GABRP: variants seen among roughly 807,000 people sequenced by gnomAD.
The protein encoded by GABRP is gamma-aminobutyric acid type A receptor subunit pi.
In GABRP, 52 loss-of-function variants were observed where a neutral mutation model predicts 47.8. The ratio of observed to expected loss-of-function variants is 1.09; its 90% CI spans 0.87 to 1.37. The LOEUF (loss-of-function observed/expected upper bound fraction) is 1.37, where lower values mean the gene tolerates loss of function less well. GABRP is among the 40% of genes most tolerant of loss of function. The pLI, the probability that GABRP is intolerant of heterozygous loss-of-function variation, is 0.00. For synonymous variants in GABRP, 221 were observed against 205.8 expected, an observed-to-expected ratio of 1.07 and a Z score of -0.63; for missense variants, 525 against 542.8, an observed-to-expected ratio of 0.97 and a Z score of 0.33.
intron 3 of GABRP, among the ~76,000 whole-genome samples, chr5:170,790,197 A>G (rs964329149): frequency 3.3e-5 from 5 of 152,212 alleles, no homozygotes; most frequent in African/African-American, 1.2e-4. Context: ...GGCCAACTGC[A>G]CAGCTCTTCA....
At chr5:170,783,132 C>T (rs990464272), upstream of GABRP, among the ~76,000 whole-genome samples, 2 of 152,126 alleles carry the variant, frequency 1.3e-5, no homozygotes, top group African/African-American at 2.4e-5. Flanking sequence ...AGCCCAGTGT[C>T]TCTGTGTCTC....
At chr5:170,783,579 TGACGATCTCCAGAAACTCAGGACCA>T (rs995059878), upstream of GABRP, 8 of 151,876 alleles carry the variant, frequency 5.3e-5, no homozygotes, top group Admixed American at 3.3e-4. Flanking sequence ...TAGCAGGAGC[TGACGATCTCCAGAAACTCAGGACCA>T]GACGATCTCC....
intron 7 of GABRP, among the ~76,000 whole-genome samples, chr5:170,806,318 G>A (rs1581605636): frequency 6.6e-6 from 1 of 152,090 alleles, no homozygotes; most frequent in African/African-American, 2.4e-5. Flanking sequence ...GGTCTTTGGC[G>A]ATTTTACATA....
chr5:170,789,043 C>G, intron 2 of GABRP, 86 bp from the exon 3 acceptor site: 4 of 1,005,204 alleles, frequency 4.0e-6, no homozygotes, highest in Non-Finnish European at 6.2e-6. Context: ...CCCACACACA[C>G]GTGGGCAAAC....
At chr5:170,805,929 T>G in intron 7 of GABRP, 76 bp downstream of exon 7, 1 of 1,518,352 alleles carries the variant, frequency 6.6e-7, no homozygotes, top group Non-Finnish European at 9.0e-7. Flanking sequence ...GTCAGAAATA[T>G]CGTCTTCTCA....
At chr5:170,789,279 C>G in intron 3 of GABRP, 32 bp downstream of exon 3, 2 of 1,404,824 alleles carry the variant, frequency 1.4e-6, no homozygotes, top group Non-Finnish European at 2.0e-6. Context: ...GGACATCATT[C>G]AAAGGGACGA....
intron 6 of GABRP, among the ~76,000 whole-genome samples, chr5:170,799,884 A>T: frequency 6.6e-6 from 1 of 152,216 alleles, no homozygotes; most frequent in Admixed American, 6.5e-5. Context: ...CGTGGATAGG[A>T]AGAATCAATA....
Position 170,812,515 on chromosome 5 carries a change from C to T in GABRP, c.*257C>T. 1 of 429,184 alleles carries T rather than the reference C, an allele frequency of 2.3e-6. No homozygotes were observed. Among genetic ancestry groups the T allele is most frequent in the South Asian group, 3.3e-5 (1 of 30,662 alleles). The allele number at this position is 429,184 out of a possible 1,614,324, so 26.6% of individuals were successfully genotyped here. On this transcript the variant is annotated 3_prime_UTR_variant, in exon 10 of 10. Coordinates refer to ENST00000265294, the MANE Select transcript of GABRP (RefSeq NM_014211.3). ...TAATCAAGGACATTCCCATGGAGCC[C>T]AAGATTACAAATGTACTCAGGGCTG... is the stretch of plus-strand genomic sequence containing the variant.
In GABRP at chr5:170,784,731, A is replaced by G. The variant is rs536341034; in HGVS notation, c.-43+857A>G. Among the ~76,000 whole-genome samples, 5 of 152,326 alleles carry G rather than the reference A, an allele frequency of 3.3e-5. No homozygotes were observed. In the East Asian group the frequency reaches 9.6e-4, roughly 29 times the overall value. On this transcript the variant is annotated intron_variant, in intron 1 of 9. Transcript: ENST00000265294. ...GGAGAATGAAAACTAATGTTTATTG[A>G]ATGCTTTCTATTCCCATTTGTCAGA... is the stretch of plus-strand genomic sequence containing the variant.
chr5:170,804,965 C>T (rs914684129), intron 6 of GABRP, among the ~76,000 whole-genome samples: 22 of 128,914 alleles, frequency 1.7e-4, no homozygotes, highest in Admixed American at 3.1e-4. Context: ...TACATATATA[C>T]GTTTATATAT....
intron 6 of GABRP, among the ~76,000 whole-genome samples, chr5:170,804,666 T>C (rs1007449912): frequency 6.6e-6 from 1 of 152,190 alleles, no homozygotes; most frequent in African/African-American, 2.4e-5. Flanking sequence ...AAGAGATACA[T>C]TGAGGGTTAA....
At chr5:170,785,595 T>C (rs1561804980) in intron 1 of GABRP, among the ~76,000 whole-genome samples, 2 of 152,216 alleles carry the variant, frequency 1.3e-5, no homozygotes, top group African/African-American at 4.8e-5. Context: ...TGAGACTCCT[T>C]AGAGGAGGCT....
At chr5:170,788,414 A>C in intron 1 of GABRP, 160 bp from the exon 2 acceptor site, 1 of 518,410 alleles carries the variant, frequency 1.9e-6, no homozygotes, top group Non-Finnish European at 3.4e-6. Flanking sequence ...CCTGGAGGGA[A>C]CACAGGGAGA....
chr5:170,793,153 A>G (rs948330643), intron 3 of GABRP, among the ~76,000 whole-genome samples: 1 of 152,194 alleles, frequency 6.6e-6, no homozygotes, highest in African/African-American at 2.4e-5. Context: ...CACAAAGACA[A>G]TGTCACACGT....
chr5:170,791,318 C>T (rs921646857), intron 3 of GABRP, among the ~76,000 whole-genome samples: 2 of 152,224 alleles, frequency 1.3e-5, no homozygotes, highest in Admixed American at 6.5e-5. Context: ...CTTGGCACTT[C>T]ACTCCTGAAA....
intron 6 of GABRP, among the ~76,000 whole-genome samples, chr5:170,801,871 G>A (rs1765604683): frequency 6.6e-6 from 1 of 151,760 alleles, no homozygotes; most frequent in Admixed American, 6.6e-5. Flanking sequence ...GGGGGTCAGA[G>A]TTTTCCTAGG....
intron 6 of GABRP, among the ~76,000 whole-genome samples, chr5:170,801,371 C>A (rs1473974803): frequency 6.6e-6 from 1 of 152,168 alleles, no homozygotes; most frequent in African/African-American, 2.4e-5. Flanking sequence ...CCCAATTTCT[C>A]CAGTGTCCAT....
upstream of GABRP, chr5:170,782,941 A>G (rs889466346): frequency 5.9e-5 from 9 of 152,346 alleles, no homozygotes; most frequent in African/African-American, 2.2e-4. Context: ...GCCACTGGCT[A>G]TGATGAGGGG....
chr5:170,798,394 G>A (rs1271499281), intron 6 of GABRP, among the ~76,000 whole-genome samples: 1 of 152,186 alleles, frequency 6.6e-6, no homozygotes, highest in Non-Finnish European at 1.5e-5. Flanking sequence ...GAAATTCCAA[G>A]AAGGAGTGGT....
Sources: gnomAD v4.1 joint callset for allele counts (sites outside exome capture counted in the v4.1 genomes callset) on GRCh38, gnomAD v4.1.1 for gene constraint, MANE v1.5 for transcripts, NCBI Gene and HGNC (gene_info 2026-07-23, HGNC 2026-07-21) for gene names.